Variants in SDK1 observed in about 807,000 individuals in gnomAD.
The protein encoded by SDK1 is sidekick cell adhesion molecule 1.
In SDK1, 157 loss-of-function variants were observed where a neutral mutation model predicts 245.5. The observed-to-expected ratio is 0.64, with a 90% confidence interval of 0.56 to 0.73. The LOEUF (loss-of-function observed/expected upper bound fraction) is 0.73. Ranked by LOEUF, SDK1 falls within the 30% of genes least tolerant of loss-of-function variation. The probability of loss-of-function intolerance (pLI) is 0.00; values close to 1 mark genes in which losing one functional copy is unlikely to be tolerated. For missense variants in SDK1, 3,583 were observed against 3,002.3 expected, an observed-to-expected ratio of 1.19 and a Z score of -4.52; for synonymous variants, 1,647 against 1,278.5, an observed-to-expected ratio of 1.29 and a Z score of -6.15.
intron 17 of SDK1, among the ~76,000 whole-genome samples, chr7:4,045,553 G>A (rs898577162): frequency 1.3e-5 from 2 of 152,080 alleles, no homozygotes; most frequent in Admixed American, 1.3e-4. Flanking sequence ...GCTTCATGTA[G>A]ATTTTTATGT....
intron 1 of SDK1, among the ~76,000 whole-genome samples, chr7:3,373,546 A>G (rs1781279584): frequency 6.6e-6 from 1 of 152,186 alleles, no homozygotes; most frequent in Non-Finnish European, 1.5e-5. Flanking sequence ...TTGCAAATTA[A>G]TAGTCAACAT....
chr7:3,555,704 G>A (rs1459927516), intron 1 of SDK1, among the ~76,000 whole-genome samples: 4 of 152,080 alleles, frequency 2.6e-5, no homozygotes, highest in Admixed American at 1.3e-4. Context: ...CATATATAAG[G>A]AGTTCAAGCA....
At chr7:3,727,041 G>A (rs1242003210) in intron 4 of SDK1, among the ~76,000 whole-genome samples, 1 of 152,160 alleles carries the variant, frequency 6.6e-6, no homozygotes, top group Non-Finnish European at 1.5e-5. Flanking sequence ...GACAGTCTTG[G>A]GAATGTGCAT....
chr7:3,345,124 A>ACTG (rs1427305074), intron 1 of SDK1, among the ~76,000 whole-genome samples: 1 of 152,218 alleles, frequency 6.6e-6, no homozygotes, highest in African/African-American at 2.4e-5. Context: ...TGGTTTGATC[A>ACTG]CTGCTGCATT....
At chr7:3,579,174 A>C (rs1780403236) in intron 1 of SDK1, among the ~76,000 whole-genome samples, 1 of 152,042 alleles carries the variant, frequency 6.6e-6, no homozygotes, top group African/African-American at 2.4e-5. Context: ...ATTCCTCCCC[A>C]AGTCATTCTA....
At chr7:3,662,927 G>A (rs1783411586) in intron 4 of SDK1, among the ~76,000 whole-genome samples, 1 of 152,114 alleles carries the variant, frequency 6.6e-6, no homozygotes, top group Non-Finnish European at 1.5e-5. Flanking sequence ...GAAATACGAA[G>A]CACTTATGGT....
rs372338687 is a variant in SDK1 at position 4,059,344 on chromosome 7, CAAA to C, written c.2911+7515_2911+7517del. Among the ~76,000 whole-genome samples, 552 of 152,120 alleles carry C rather than the reference CAAA, an allele frequency of 3.6e-3. 6 individuals carry two copies. The South Asian group carries it at 0.039, about 11-fold the overall frequency. The stretch of plus-strand genomic sequence containing the variant: ...TTAAGTAAAAAACAGTAAAAAGAGA[CAAA>C]GAAGGTTATTGTGTAATGATAAAGT... On this transcript the variant is annotated intron_variant, in intron 19 of 44. Transcript: ENST00000404826.
At chr7:3,392,925 T>A (rs367633217) in intron 1 of SDK1, among the ~76,000 whole-genome samples, 1 of 151,438 alleles carries the variant, frequency 6.6e-6, no homozygotes, top group Admixed American at 6.6e-5. Flanking sequence ...ATGATGAACA[T>A]TGGCTTACAG....
chr7:4,237,384 G>A (rs1463845219), intron 41 of SDK1, among the ~76,000 whole-genome samples: 1 of 152,034 alleles, frequency 6.6e-6, no homozygotes, highest in Non-Finnish European at 1.5e-5. Flanking sequence ...GCAGCTTGGA[G>A]GACAGAGGAG....
chr7:3,846,842 C>G (rs1044403001), intron 5 of SDK1, among the ~76,000 whole-genome samples: 2 of 152,080 alleles, frequency 1.3e-5, no homozygotes, highest in Non-Finnish European at 2.9e-5. Context: ...GCCCTCTCCC[C>G]TCTCCACGAC....
chr7:3,645,203 T>A (rs979100886), intron 4 of SDK1, among the ~76,000 whole-genome samples: 9 of 152,180 alleles, frequency 5.9e-5, no homozygotes, highest in Non-Finnish European at 1.2e-4. Flanking sequence ...GGTGAGCTAA[T>A]AAAGTAAAGA....
chr7:3,454,955 G>A (rs1415718770), intron 1 of SDK1, among the ~76,000 whole-genome samples: 2 of 152,162 alleles, frequency 1.3e-5, no homozygotes, highest in Non-Finnish European at 2.9e-5. Context: ...ACCAGTGCTT[G>A]AGTGGTACCG....
At chr7:3,522,696 C>A (rs943238047) in intron 1 of SDK1, among the ~76,000 whole-genome samples, 1 of 152,042 alleles carries the variant, frequency 6.6e-6, no homozygotes, top group Non-Finnish European at 1.5e-5. Flanking sequence ...AGTTGACAAA[C>A]CGGGGGACGT....
intron 5 of SDK1, among the ~76,000 whole-genome samples, chr7:3,943,543 G>A (rs1451546981): frequency 6.7e-6 from 1 of 149,702 alleles, no homozygotes; most frequent in East Asian, 2.0e-4. Flanking sequence ...CCCCACCCCT[G>A]CCTCCTGGTT....
intron 1 of SDK1, 120 bp downstream of exon 1, chr7:3,302,004 G>A: frequency 1.3e-6 from 1 of 772,278 alleles, no homozygotes; most frequent in Non-Finnish European, 1.6e-6. Context: ...GATGCGCCTT[G>A]CTGGGGGCTC....
intron 1 of SDK1, among the ~76,000 whole-genome samples, chr7:3,330,498 G>A (rs1289245458): frequency 6.6e-6 from 1 of 152,110 alleles, no homozygotes; most frequent in Non-Finnish European, 1.5e-5. Context: ...TGATGAGACT[G>A]TTGGCTTTGT....
At chr7:3,764,862 A>C (rs1264791274) in intron 4 of SDK1, among the ~76,000 whole-genome samples, 2 of 152,148 alleles carry the variant, frequency 1.3e-5, no homozygotes, top group African/African-American at 4.8e-5. Flanking sequence ...TTATTAAGCT[A>C]AACATTAAAG....
intron 1 of SDK1, among the ~76,000 whole-genome samples, chr7:3,430,196 C>T (rs147737363): frequency 3.3e-5 from 5 of 152,234 alleles, no homozygotes; most frequent in East Asian, 1.9e-4. Flanking sequence ...GCCGTTTCAG[C>T]GAGTCACTTC....
chr7:4,064,484 C>T (rs1321747601), intron 19 of SDK1, among the ~76,000 whole-genome samples: 2 of 152,224 alleles, frequency 1.3e-5, no homozygotes, highest in Non-Finnish European at 2.9e-5. Flanking sequence ...TAAATTAGTA[C>T]AGCCACAATG....
Sources: gnomAD v4.1 joint callset for allele counts (sites outside exome capture counted in the v4.1 genomes callset) on GRCh38, gnomAD v4.1.1 for gene constraint, MANE v1.5 for transcripts, NCBI Gene and HGNC (gene_info 2026-07-23, HGNC 2026-07-21) for gene names.